The following ZFHX2 variants were observed in gnomAD, a reference collection of about 807,000 sequenced individuals.
ZFHX2 encodes the protein zinc finger homeobox protein 2.
In ZFHX2, 75 loss-of-function variants were observed where a neutral mutation model predicts 164.8. The observed-to-expected ratio is 0.46, with a 90% CI of 0.38 to 0.55. The LOEUF is 0.55. Among genes scored for constraint, ZFHX2 ranks in the 20% least tolerant of loss-of-function variants. The pLI is 0.00. For missense variants in ZFHX2, 2,933 were observed against 3,308.0 expected (o/e 0.89, Z 2.78); for synonymous variants, 1,217 against 1,351.4 (o/e 0.90, Z 2.18).
rs1183727989 is a variant in ZFHX2 at position 23,526,577 on chromosome 14, G to A, written c.3365C>T (p.Pro1122Leu). 19 of 1,535,722 alleles carry A rather than the reference G, an allele frequency of 1.2e-5. No homozygotes were observed. Among genetic ancestry groups the A allele is most frequent in the Non-Finnish European group, 1.5e-5 (17 of 1,146,822 alleles). ...PDKPSGSPGQ[P>L]PSPAPSPVPE... Reference sequence around the variant, plus strand: ...GACTGGAGATGGGGCTGGAGAAGGGGGTTGGCCAGGGCTTCCTGAGGGTTT... The same window carrying A: ...GACTGGAGATGGGGCTGGAGAAGGGAGTTGGCCAGGGCTTCCTGAGGGTTT... Residue 1122 changes from proline (P) to leucine (L), a missense_variant, in exon 9 of 10, where the codon CCC becomes CTC. Pro to Leu is a moderately conservative substitution (Grantham distance 98). Transcript: ENST00000419474.
At position 23,533,773 on chromosome 14, in the gene ZFHX2, G is replaced by A. The variant is rs570263248; in HGVS notation, c.1553C>T (p.Thr518Ile). 6.4e-7 allele frequency: 1 copy of A among 1,558,384 alleles called. No individual in the cohort carries two copies. The highest frequency in any genetic ancestry group is 1.4e-5 in the African/African-American group (1 of 73,758). ...ATGGATGCTGAGGTTGCCTTTGGTG[G>A]TTGTAGAGTAGTTGCAGACGTCACA... ...YRCDVCNYST[T>I]TKGNLSIHMQ... is the part of the protein sequence containing the mutation. The change falls in exon 2 of 10, where the codon ACC becomes ATC. Residue 518 changes from threonine to isoleucine, a missense_variant. Physicochemically the swap from Thr to Ile is moderately conservative, Grantham distance 89 (BLOSUM62 -1). Transcript: ENST00000419474. The surrounding 1 kb of genome is among the most constrained non-coding windows in gnomAD (Gnocchi z 4.8).
At chr14:23,528,347 G>T (rs970741311) in intron 6 of ZFHX2, among the ~76,000 whole-genome samples, 1 of 152,080 alleles carries the variant, frequency 6.6e-6, no homozygotes, top group African/African-American at 2.4e-5. Context: ...CCGCTACCTT[G>T]CACTCCTTCT....
In ZFHX2 at chr14:23,533,608, A is replaced by G. The variant is rs1879836595; in HGVS notation, c.1718T>C (p.Val573Ala). The change falls in exon 2 of 10, where the codon GTG (valine) becomes GCG (alanine). Residue 573 changes from valine (V) to alanine (A), a missense_variant. Val to Ala is a moderately conservative substitution (Grantham distance 64, BLOSUM62 0). Transcript: ENST00000419474. The surrounding 1 kb of genome is among the most constrained non-coding windows in gnomAD (Gnocchi z 4.8). ...PKTKSSWQCK[V>A]CSYETNISRN... ...GGAGATGTTTGTCTCGTAGCTGCAC[A>G]CCTTGCACTGCCAGGATGATTTGGT... is the stretch of plus-strand genomic sequence containing the variant. The G allele has an allele frequency of 6.5e-7, 1 of 1,536,794 alleles. No individual in the cohort carries two copies. The highest frequency in any genetic ancestry group is 8.7e-7 in the Non-Finnish European group (1 of 1,147,034).
At position 23,537,192 on chromosome 14, in the gene ZFHX2, G is replaced by C. The variant is rs528369384; in HGVS notation, c.-49-1818C>G. Among the ~76,000 whole-genome samples, 6 of 151,700 alleles carry C rather than the reference G, an allele frequency of 4.0e-5. No individual in the cohort carries two copies. The South Asian group carries it at 1.3e-3, about 32-fold the overall frequency. On this transcript the variant is annotated intron_variant, in intron 1 of 9. Transcript: ENST00000419474. ...GAAAGAAAGAAATGAGGATTCCTGG[G>C]CTGCCTCCAGCTGACAGAAGCGCCA...
At chr14:23,531,764 T>C in intron 3 of ZFHX2, 43 bp from the exon 4 acceptor site, 1 of 1,286,038 alleles carries the variant, frequency 7.8e-7, no homozygotes, top group Non-Finnish European at 9.8e-7. Context: ...AGAAGGGACA[T>C]GCCAGACCTC....
chr14:23,547,720 T>A (rs1466807271), intron 1 of ZFHX2, among the ~76,000 whole-genome samples: 1 of 152,144 alleles, frequency 6.6e-6, no homozygotes, highest in Non-Finnish European at 1.5e-5. Flanking sequence ...TAATGTAGAC[T>A]TAGGTGGGGG....
rs1323901497 is a variant in ZFHX2 at position 23,535,882 on chromosome 14, G to A, written c.-49-508C>T. 3.9e-5 allele frequency among the ~76,000 whole-genome samples: 6 copies of A among 152,114 alleles called. No homozygotes were observed. The highest frequency in any genetic ancestry group is 3.3e-4 in the Admixed American group (5 of 15,264). ...GCTAGGATTATAGGCGTGAGCCACC[G>A]CGCCCAGCCTAGAACTCTTTATTTG... On this transcript the variant is annotated intron_variant, in intron 1 of 9. Coordinates refer to ENST00000419474, the MANE Select transcript of ZFHX2 (RefSeq NM_033400.3). This position sits in a 1 kb window ranked among gnomAD's most constrained non-coding sequence, Gnocchi z 4.5.
rs539803361 is a variant in ZFHX2, at chr14:23,546,581, A to C, written c.-50+4762T>G. Among the ~76,000 whole-genome samples, 256 of 152,132 alleles carry C rather than the reference A, an allele frequency of 1.7e-3. No homozygotes were observed. Among genetic ancestry groups the C allele is most frequent in the African/African-American group, 5.8e-3 (239 of 41,496 alleles). On this transcript the variant is annotated intron_variant, in intron 1 of 9. Transcript: ENST00000419474. The surrounding 1 kb of genome is among the most constrained non-coding windows in gnomAD (Gnocchi z 4.7). ...GGATTACCCTACGGGGCTGGAAGTT[A>C]CTTCTAAATCTTTCACCCCTGCCTT...
intron 1 of ZFHX2, chr14:23,548,382 C>G (rs1881605347): frequency 6.6e-6 from 1 of 152,222 alleles, no homozygotes; most frequent in Non-Finnish European, 1.5e-5. Context: ...AGTCAGAAAT[C>G]CTACCAATTC....
rs1355410875 is a variant in ZFHX2, at chr14:23,526,294, A to G, written c.3648T>C (p.Leu1216=). 1 of 1,536,084 alleles carries G rather than the reference A, an allele frequency of 6.5e-7. No homozygotes were observed. The highest frequency in any genetic ancestry group is 2.4e-5 in the East Asian group (1 of 40,900). The change falls in exon 9 of 10, where the codon CTT becomes CTC. Residue 1216 remains leucine (L), a synonymous_variant. Transcript: ENST00000419474. ...CAATGGCAGCCTTCTTCATCTTGTG[A>G]AGGTGGGAGACAGAATTATAATGAA... ...LLVHYNSVSH[L]HKMKKAAIDP...
Position 23,524,756 on chromosome 14 carries a change from G to C in ZFHX2, c.5186C>G (p.Ala1729Gly), listed in dbSNP as rs1182705152. 1.3e-6 allele frequency: 2 copies of C among 1,536,444 alleles called. No individual in the cohort carries two copies. Among genetic ancestry groups the C allele is most frequent in the East Asian group, 2.4e-5 (1 of 40,906 alleles). The change falls in exon 9 of 10, where the codon GCA becomes GGA. Residue 1729 changes from alanine (A) to glycine (G), a missense_variant. Coordinates refer to ENST00000419474, the MANE Select transcript of ZFHX2 (RefSeq NM_033400.3). This position sits in a 1 kb window ranked among gnomAD's most constrained non-coding sequence, Gnocchi z 5.6. ...VEEEQGLEPP[A>G]GPEGPLPEPP... ...CTCTGGTAATGGGCCCTCAGGCCCT[G>C]CTGGAGGTTCAAGGCCCTGTTCCTC...
rs1878464003 is a variant in ZFHX2 at position 23,524,577 on chromosome 14, G to A, written c.5365C>T (p.Arg1789Ter). 5.2e-6 allele frequency: 8 copies of A among 1,534,920 alleles called. No homozygotes were observed. The highest frequency in any genetic ancestry group is 1.4e-5 in the African/African-American group (1 of 73,038). ...SSQDLLTSHR[R>*]LHFLPSLQPS... ...TGCAGAGATGGCAGGAAATGTAGTCGGCGGTGACTGGTCAGGAGGTCCTGG... is the reference window on the plus strand; with the variant it reads ...TGCAGAGATGGCAGGAAATGTAGTCAGCGGTGACTGGTCAGGAGGTCCTGG... The change falls in exon 9 of 10, where the codon CGA becomes TGA. Residue 1789 changes from arginine (R) to a stop codon, truncating the protein, a stop_gained. Coordinates refer to ENST00000419474, the MANE Select transcript of ZFHX2 (RefSeq NM_033400.3). LOFTEE classifies it high-confidence loss of function. The surrounding 1 kb of genome is among the most constrained non-coding windows in gnomAD (Gnocchi z 5.6).
upstream of ZFHX2, among the ~76,000 whole-genome samples, chr14:23,555,140 A>G (rs1882257372): frequency 1.3e-5 from 2 of 152,020 alleles, no homozygotes; most frequent in Admixed American, 1.3e-4. Context: ...AGCACGCGCC[A>G]CCATGCCCGG....
Position 23,524,425 on chromosome 14 carries a change from C to T in ZFHX2, c.5517G>A (p.Leu1839=). The change falls in exon 9 of 10, where the codon TTG becomes TTA. Residue 1839 remains leucine, a synonymous_variant. Coordinates refer to ENST00000419474, the MANE Select transcript of ZFHX2 (RefSeq NM_033400.3). The surrounding 1 kb of genome is among the most constrained non-coding windows in gnomAD (Gnocchi z 5.6). ...PLKRKHEDGS[L]SPTGSEAGGG... is the part of the protein sequence containing the mutation. ...CCCCTGCTTCACTGCCTGTGGGAGA[C>T]AAGCTGCCGTCCTCATGCTTCCGTT... 1.3e-6 allele frequency: 2 copies of T among 1,536,194 alleles called. No homozygotes were observed. Among genetic ancestry groups the T allele is most frequent in the South Asian group, 2.4e-5 (2 of 84,060 alleles).
Position 23,526,348 on chromosome 14 carries a change from C to G in ZFHX2, c.3594G>C (p.Glu1198Asp). 6.5e-7 allele frequency: 1 copy of G among 1,536,322 alleles called. No individual in the cohort carries two copies. Among genetic ancestry groups the G allele is most frequent in the Non-Finnish European group, 8.7e-7 (1 of 1,146,930 alleles). ...ARPYKCTVCK[E>D]SFTQKNILLV... is the part of the protein sequence containing the mutation. Reference sequence around the variant, plus strand: ...ACAGAATATTCTTCTGGGTGAAGGACTCCTTACACACAGTGCACTTATAGG... The same window carrying G: ...ACAGAATATTCTTCTGGGTGAAGGAGTCCTTACACACAGTGCACTTATAGG... The change falls in exon 9 of 10, where the codon GAG becomes GAC. Residue 1198 changes from glutamate to aspartate, a missense_variant. Physicochemically the swap from Glu to Asp is conservative, Grantham distance 45 (BLOSUM62 2). Coordinates refer to ENST00000419474, the MANE Select transcript of ZFHX2 (RefSeq NM_033400.3).
rs1881448375 is a variant in ZFHX2 at position 23,546,894 on chromosome 14, T to G, written c.-50+4449A>C. ...GGCCCCCCGCCCACCAGCCCCTTCT[T>G]TAGCTGCCCTGGCCTTGCTTATTAT... On this transcript the variant is annotated intron_variant, in intron 1 of 9. Coordinates refer to ENST00000419474, the MANE Select transcript of ZFHX2 (RefSeq NM_033400.3). The surrounding 1 kb of genome is among the most constrained non-coding windows in gnomAD (Gnocchi z 4.7). Among the ~76,000 whole-genome samples, 1 of 152,154 alleles carries G rather than the reference T, an allele frequency of 6.6e-6. No homozygotes were observed. Among genetic ancestry groups the G allele is most frequent in the Non-Finnish European group, 1.5e-5 (1 of 68,022 alleles).
intron 1 of ZFHX2, among the ~76,000 whole-genome samples, chr14:23,536,589 G>A (rs1433726078): frequency 6.6e-6 from 1 of 152,146 alleles, no homozygotes; most frequent in Non-Finnish European, 1.5e-5. Flanking sequence ...ATATACCATG[G>A]TCCTGGCACT....
In ZFHX2 at chr14:23,522,674, G is replaced by C; in HGVS notation, c.7007C>G (p.Thr2336Ser). ...CTGGCCCCCCAACAGGGCTGGGACA[G>C]TGGTCTTCAATGCTTTGAGGTTCTT... ...ALKNLKALKT[T>S]VPALLGGQFL... The change falls in exon 10 of 10, where the codon ACT becomes AGT. Residue 2336 changes from threonine (T) to serine (S), a missense_variant. By Grantham distance (58) the Thr-to-Ser change is moderately conservative. Coordinates refer to ENST00000419474, the MANE Select transcript of ZFHX2 (RefSeq NM_033400.3). 6.5e-7 allele frequency: 1 copy of C among 1,536,598 alleles called. No homozygotes were observed. Among genetic ancestry groups the C allele is most frequent in the Non-Finnish European group, 8.7e-7 (1 of 1,146,964 alleles).
In ZFHX2 at chr14:23,522,921, G is replaced by A. The variant is rs920252618; in HGVS notation, c.6760C>T (p.Leu2254Phe). ...AGGACCGAAGTGGCGAGGCCGAGGAGGCCTGAGGAGGCTGCCGGGCCTAGA... is the reference window on the plus strand; with the variant it reads ...AGGACCGAAGTGGCGAGGCCGAGGAAGCCTGAGGAGGCTGCCGGGCCTAGA... Reference protein sequence around the residue: ...FNSGPAASSGLLGLATSVLPT... With the variant: ...FNSGPAASSGFLGLATSVLPT... The change falls in exon 10 of 10, where the codon CTC becomes TTC. Residue 2254 changes from leucine to phenylalanine, a missense_variant. Physicochemically the swap from Leu to Phe is conservative, Grantham distance 22. Transcript: ENST00000419474. 13 of 1,448,696 alleles carry A rather than the reference G, an allele frequency of 9.0e-6. No homozygotes were observed. Among genetic ancestry groups the A allele is most frequent in the Non-Finnish European group, 1.2e-5 (13 of 1,105,836 alleles). 89.7% of individuals were successfully genotyped at this position (1,448,696 alleles called of 1,614,324 possible). A position where few individuals can be genotyped will look rare whatever the true frequency, so the allele number is the denominator to read the frequency against.
Sources: gnomAD v4.1 joint callset for allele counts (sites outside exome capture counted in the v4.1 genomes callset) on GRCh38, gnomAD v4.1.1 for gene constraint, Gnocchi (gnomAD v3.1) non-coding constraint, MANE v1.5 for transcripts, NCBI Gene and HGNC (gene_info 2026-07-23, HGNC 2026-07-21) for gene names.